The following OPCML variants were observed in gnomAD, a reference collection of about 807,000 sequenced individuals.
The protein encoded by OPCML is opioid binding protein/cell adhesion molecule like.
A neutral mutation model predicts 37.8 loss-of-function variants in OPCML; 13 were observed. The observed-to-expected ratio is 0.34, with a 90% confidence interval of 0.22 to 0.55. The LOEUF is 0.55. Among genes scored for constraint, OPCML ranks in the 20% least tolerant of loss-of-function variants. The pLI, the probability that OPCML is intolerant of heterozygous loss-of-function variation, is 0.91. For synonymous variants in OPCML, 176 were observed against 168.8 expected (o/e 1.04, Z -0.33); for missense variants, 341 against 435.6 (o/e 0.78, Z 1.93).
At position 133,140,694 on chromosome 11, in the gene OPCML, C is replaced by T. The variant is rs1031863794; in HGVS notation, c.62-197684G>A. ...AAGAAGAAAGAAGAAAGATGGAAGACGGAAGAAGAAGACGGAAGACGAAGA... is the reference window on the plus strand; with the variant it reads ...AAGAAGAAAGAAGAAAGATGGAAGATGGAAGAAGAAGACGGAAGACGAAGA... On this transcript the variant is annotated intron_variant, in intron 1 of 7. Transcript: ENST00000524381. 2.5e-4 allele frequency among the ~76,000 whole-genome samples: 15 copies of T among 60,012 alleles called. 1 individual carries two copies. The highest frequency in any genetic ancestry group is 1.2e-3 in the East Asian group (2 of 1,706). The allele number at this position is 60,012 out of a possible 152,430, so 39.4% of individuals were successfully genotyped here.
chr11:132,498,987 C>T (rs533560676), intron 4 of OPCML, among the ~76,000 whole-genome samples: 2 of 152,326 alleles, frequency 1.3e-5, no homozygotes, highest in East Asian at 3.9e-4. Context: ...TATGGAGATA[C>T]TATTTTAGGC....
chr11:132,896,438 AG>A (rs1397204611), intron 2 of OPCML, among the ~76,000 whole-genome samples: 1 of 152,220 alleles, frequency 6.6e-6, no homozygotes, highest in African/African-American at 2.4e-5. Context: ...CCAAGGTGAT[AG>A]GGACCAAGTG....
intron 1 of OPCML, among the ~76,000 whole-genome samples, chr11:133,050,585 T>C (rs1948111272): frequency 6.6e-6 from 1 of 151,990 alleles, no homozygotes; most frequent in Non-Finnish European, 1.5e-5. Flanking sequence ...TGCTTTGGAG[T>C]CCTAATTTCC....
intron 1 of OPCML, among the ~76,000 whole-genome samples, chr11:133,166,705 A>C (rs1284524114): frequency 6.6e-6 from 1 of 152,200 alleles, no homozygotes; most frequent in Non-Finnish European, 1.5e-5. Flanking sequence ...TTCTCCCTCC[A>C]CAGGGAAGAA....
At chr11:132,482,226 G>T (rs1218721871) in intron 4 of OPCML, among the ~76,000 whole-genome samples, 1 of 152,014 alleles carries the variant, frequency 6.6e-6, no homozygotes. Context: ...AATAAAAAAT[G>T]ATAAAGGGGA....
intron 3 of OPCML, among the ~76,000 whole-genome samples, chr11:132,564,195 T>G (rs543856640): frequency 6.6e-6 from 1 of 152,110 alleles, no homozygotes. Context: ...TGGCCCTTGG[T>G]TTTTAAGCAA....
At chr11:133,223,288 C>G (rs1379774204) in intron 1 of OPCML, among the ~76,000 whole-genome samples, 1 of 152,176 alleles carries the variant, frequency 6.6e-6, no homozygotes, top group African/African-American at 2.4e-5. Context: ...ACAACCAGTT[C>G]TGGGTACTAA....
chr11:133,293,898 ACACACACACACACAC>A (rs1942554199), intron 1 of OPCML, among the ~76,000 whole-genome samples: 6 of 143,064 alleles, frequency 4.2e-5, no homozygotes, highest in African/African-American at 1.0e-4. Flanking sequence ...AAGACTTCAC[ACACACACACACACAC>A]ACACACACAC....
intron 1 of OPCML, among the ~76,000 whole-genome samples, chr11:133,063,495 T>G (rs999872299): frequency 6.6e-6 from 1 of 152,164 alleles, no homozygotes; most frequent in Non-Finnish European, 1.5e-5. Context: ...GAATGATGAC[T>G]TTGGGTCCTA....
At position 132,441,174 on chromosome 11, in the gene OPCML, T is replaced by G. The variant is rs541466000; in HGVS notation, c.506-3815A>C. On this transcript the variant is annotated intron_variant, in intron 4 of 7. Transcript: ENST00000524381. ...CACCAAGGACTTTTTTGTTTTTTTT[T>G]TTTTTTTTTTTGAGACGGAGTTTCG... 1.8e-3 allele frequency among the ~76,000 whole-genome samples: 210 copies of G among 118,660 alleles called. 7 individuals are homozygous for G. Among genetic ancestry groups the G allele is most frequent in the Middle Eastern group, 3.6e-3 (1 of 276 alleles). The allele number at this position is 118,660 out of a possible 152,430, so 77.8% of individuals were successfully genotyped here. A position where few individuals can be genotyped will look rare whatever the true frequency, so the allele number is the denominator to read the frequency against.
intron 1 of OPCML, among the ~76,000 whole-genome samples, chr11:133,230,099 C>T (rs1940212521): frequency 6.6e-6 from 1 of 152,212 alleles, no homozygotes; most frequent in African/African-American, 2.4e-5. Flanking sequence ...TGCGTCCCAC[C>T]ATGCATTTCT....
At chr11:133,437,977 A>T (rs895475600) in intron 1 of OPCML, among the ~76,000 whole-genome samples, 6 of 152,264 alleles carry the variant, frequency 3.9e-5, no homozygotes, top group East Asian at 3.9e-4. Flanking sequence ...CAGGGAAAAA[A>T]ATATATATAA....
chr11:132,564,699 C>T (rs957692539), intron 3 of OPCML, among the ~76,000 whole-genome samples: 2 of 151,978 alleles, frequency 1.3e-5, no homozygotes, highest in Admixed American at 6.5e-5. Context: ...CCCCTGTGTG[C>T]ATGCATTATG....
At chr11:132,662,208 A>C (rs1474275678) in intron 2 of OPCML, among the ~76,000 whole-genome samples, 1 of 152,150 alleles carries the variant, frequency 6.6e-6, no homozygotes. Context: ...ATGGGTCTGG[A>C]GGGACCAAGA....
At chr11:132,967,634 C>T (rs1445431350) in intron 1 of OPCML, among the ~76,000 whole-genome samples, 2 of 152,138 alleles carry the variant, frequency 1.3e-5, no homozygotes, top group African/African-American at 2.4e-5. Context: ...ATTATGTACA[C>T]ATTGCTTTCT....
intron 1 of OPCML, among the ~76,000 whole-genome samples, chr11:133,527,210 A>G (rs1948508280): frequency 6.6e-6 from 1 of 152,186 alleles, no homozygotes; most frequent in Non-Finnish European, 1.5e-5. Context: ...GCTGACATAC[A>G]AGTCCATGTA....
At chr11:133,322,006 C>T (rs181710577) in intron 1 of OPCML, among the ~76,000 whole-genome samples, 24 of 152,244 alleles carry the variant, frequency 1.6e-4, no homozygotes, top group East Asian at 1.4e-3. Flanking sequence ...TGTGGGAACA[C>T]GCAACACATG....
At chr11:133,056,345 A>G (rs1948238860) in intron 1 of OPCML, among the ~76,000 whole-genome samples, 1 of 152,212 alleles carries the variant, frequency 6.6e-6, no homozygotes, top group Non-Finnish European at 1.5e-5. Context: ...TAGCTTCATA[A>G]ACATCTGAAT....
chr11:132,703,392 G>T (rs1410159883), intron 2 of OPCML, among the ~76,000 whole-genome samples: 3 of 152,192 alleles, frequency 2.0e-5, no homozygotes, highest in Non-Finnish European at 4.4e-5. Flanking sequence ...TGACCAAAAT[G>T]TTGCTGTCCA....
Sources: gnomAD v4.1 joint callset for allele counts (sites outside exome capture counted in the v4.1 genomes callset) on GRCh38, gnomAD v4.1.1 for gene constraint, MANE v1.5 for transcripts, NCBI Gene and HGNC (gene_info 2026-07-23, HGNC 2026-07-21) for gene names.